ROBO2: variants seen among roughly 807,000 people sequenced by gnomAD.
ROBO2 encodes the protein roundabout guidance receptor 2.
A neutral mutation model predicts 160.8 loss-of-function variants in ROBO2; 53 were observed. The ratio of observed to expected loss-of-function variants is 0.33; its 90% CI spans 0.26 to 0.41. The LOEUF (loss-of-function observed/expected upper bound fraction) is 0.41. Among genes scored for constraint, ROBO2 ranks in the 10% least tolerant of loss-of-function variants. ROBO2 has a pLI of 1.00. For synonymous variants in ROBO2, 664 were observed against 611.7 expected, an observed-to-expected ratio of 1.09 and a Z score of -1.26; for missense variants, 1,577 against 1,722.4, an observed-to-expected ratio of 0.92 and a Z score of 1.49.
chr3:76,896,779 A>G (rs1160997326), intron 2 of ROBO2, among the ~76,000 whole-genome samples: 1 of 152,164 alleles, frequency 6.6e-6, no homozygotes, highest in Admixed American at 6.5e-5. Context: ...AATTTTCCTA[A>G]TAATTGAGCC....
At chr3:76,605,266 G>A (rs539796757) in intron 2 of ROBO2, among the ~76,000 whole-genome samples, 1 of 151,956 alleles carries the variant, frequency 6.6e-6, no homozygotes, top group Non-Finnish European at 1.5e-5. Context: ...TTCAGATGAA[G>A]ACATTAAAGA....
At chr3:76,603,154 A>G (rs2087294085) in intron 2 of ROBO2, among the ~76,000 whole-genome samples, 1 of 150,596 alleles carries the variant, frequency 6.6e-6, no homozygotes, top group South Asian at 2.1e-4. Context: ...ACATGGTGAA[A>G]CCCCGTCTCT....
At chr3:76,279,197 T>C (rs1292020685) in intron 2 of ROBO2, among the ~76,000 whole-genome samples, 1 of 151,528 alleles carries the variant, frequency 6.6e-6, no homozygotes, top group Admixed American at 6.6e-5. Context: ...CATTGCAAGC[T>C]CACTTTTTTT....
intron 2 of ROBO2, among the ~76,000 whole-genome samples, chr3:76,296,710 A>C (rs140057567): frequency 6.6e-6 from 1 of 152,330 alleles, no homozygotes. Flanking sequence ...GTGACGTATT[A>C]ATGCTGAAAT....
At chr3:77,223,083 C>A (rs1208808306) in intron 2 of ROBO2, among the ~76,000 whole-genome samples, 1 of 152,134 alleles carries the variant, frequency 6.6e-6, no homozygotes, top group East Asian at 1.9e-4. Flanking sequence ...CCGTTTTATT[C>A]ACCCTGAAAG....
intron 2 of ROBO2, among the ~76,000 whole-genome samples, chr3:77,251,696 G>A (rs1337293166): frequency 2.0e-5 from 3 of 151,992 alleles, no homozygotes; most frequent in Non-Finnish European, 2.9e-5. Flanking sequence ...ATTGAATCAC[G>A]GGGGCGGTCT....
chr3:76,852,572 G>C (rs901064435), intron 2 of ROBO2, among the ~76,000 whole-genome samples: 3 of 151,990 alleles, frequency 2.0e-5, no homozygotes, highest in Non-Finnish European at 4.4e-5. Context: ...AGAGGTCAAA[G>C]GAAAGAGATG....
chr3:75,979,773 C>G (rs1055204660), intron 2 of ROBO2, among the ~76,000 whole-genome samples: 9 of 151,708 alleles, frequency 5.9e-5, no homozygotes, highest in Non-Finnish European at 1.2e-4. Flanking sequence ...CTGAAAGCTA[C>G]ACATTGTTTT....
intron 2 of ROBO2, among the ~76,000 whole-genome samples, chr3:76,752,205 G>A (rs577502481): frequency 1.5e-4 from 22 of 151,286 alleles, no homozygotes; most frequent in African/African-American, 4.4e-4. Context: ...ACCAAACACC[G>A]CATGTTCTCA....
At chr3:76,722,622 T>A (rs900963819) in intron 2 of ROBO2, among the ~76,000 whole-genome samples, 6 of 152,188 alleles carry the variant, frequency 3.9e-5, no homozygotes, top group Non-Finnish European at 7.3e-5. Flanking sequence ...CCCTACACCC[T>A]CAGGCTGGCC....
rs79370869 is a variant in ROBO2 at position 77,105,349 on chromosome 3, T to G, written c.388+7009T>G. 2.0e-5 allele frequency among the ~76,000 whole-genome samples: 3 copies of G among 152,238 alleles called. No homozygotes were observed. In the South Asian group the frequency reaches 6.2e-4, roughly 31 times the overall value. ...GAATATAGGAGCAACTTTCGTTTTT[T>G]GTAATTTTCTCCATTTGCATTTCTA... On this transcript the variant is annotated intron_variant, in intron 2 of 25. Coordinates refer to ENST00000461745, the Ensembl canonical transcript of ROBO2.
At position 76,204,737 on chromosome 3, in the gene ROBO2, A is replaced by G. The variant is rs1381001770; in HGVS notation, c.109+267135A>G. ...GAGCATTTTGTCTCCTATTGGCTAC[A>G]TATCACAATCTGAGTTCATCTTGCA... On this transcript the variant is annotated intron_variant, in intron 2 of 26. Coordinates refer to the ROBO2 transcript ENST00000487694. Among the ~76,000 whole-genome samples the G allele has an allele frequency of 2.6e-5, 4 of 152,312 alleles. No individual in the cohort carries two copies. The East Asian group carries it at 7.7e-4, about 29-fold the overall frequency.
intron 2 of ROBO2, among the ~76,000 whole-genome samples, chr3:76,407,062 C>T (rs1432958750): frequency 6.8e-6 from 1 of 147,382 alleles, no homozygotes; most frequent in Non-Finnish European, 1.5e-5. Flanking sequence ...CCCAAACATG[C>T]AATGTTTCTT....
chr3:77,630,974 A>G (rs371675048), intron 23 of ROBO2: 10 of 149,988 alleles, frequency 6.7e-5, no homozygotes, highest in Admixed American at 4.1e-4. Context: ...CTTATCTAGT[A>G]TAGCATTATA....
intron 2 of ROBO2, among the ~76,000 whole-genome samples, chr3:77,384,980 G>C (rs1258159461): frequency 6.6e-6 from 1 of 152,034 alleles, no homozygotes; most frequent in Non-Finnish European, 1.5e-5. Context: ...CTGGCTCTGT[G>C]GTTTACAATA....
intron 24 of ROBO2, among the ~76,000 whole-genome samples, chr3:77,636,748 C>G (rs2095270543): frequency 6.6e-6 from 1 of 152,114 alleles, no homozygotes; most frequent in Admixed American, 6.6e-5. Flanking sequence ...TATATAGCAT[C>G]CAACATTTGA....
intron 2 of ROBO2, among the ~76,000 whole-genome samples, chr3:76,863,999 T>G (rs1335930617): frequency 2.0e-5 from 3 of 152,066 alleles, no homozygotes; most frequent in African/African-American, 7.2e-5. Context: ...ATATAGGGTG[T>G]AACATTTCCA....
At chr3:77,598,849 G>C (rs2094370520) in intron 19 of ROBO2, among the ~76,000 whole-genome samples, 1 of 152,118 alleles carries the variant, frequency 6.6e-6, no homozygotes, top group Admixed American at 6.5e-5. Context: ...TGTTCCCACA[G>C]CTTTTGTCAA....
intron 2 of ROBO2, among the ~76,000 whole-genome samples, chr3:77,447,230 T>C (rs2080624818): frequency 1.3e-5 from 2 of 152,130 alleles, no homozygotes; most frequent in Non-Finnish European, 2.9e-5. Context: ...TGATAGTCCA[T>C]AAATATCTGT....
Sources: gnomAD v4.1 joint callset for allele counts (sites outside exome capture counted in the v4.1 genomes callset) on GRCh38, gnomAD v4.1.1 for gene constraint, MANE v1.5 for transcripts, NCBI Gene and HGNC (gene_info 2026-07-23, HGNC 2026-07-21) for gene names.